Variants in MKLN1 observed in about 807,000 individuals in gnomAD.
The protein encoded by MKLN1 is muskelin 1, also known as muskelin.
A neutral mutation model predicts 99.0 loss-of-function variants in MKLN1; 18 were observed. The observed-to-expected ratio is 0.18, with a 90% CI of 0.13 to 0.27. The LOEUF is 0.27. MKLN1 is among the 10% of genes least tolerant of loss of function. The pLI, the probability that MKLN1 is intolerant of heterozygous loss-of-function variation, is 1.00. For synonymous variants in MKLN1, 288 were observed against 293.2 expected (o/e 0.98, Z 0.18); for missense variants, 621 against 875.9 (o/e 0.71, Z 3.67).
intron 2 of MKLN1, among the ~76,000 whole-genome samples, chr7:131,171,999 C>A (rs939286164): frequency 9.2e-5 from 14 of 152,074 alleles, no homozygotes; most frequent in African/African-American, 3.1e-4. Context: ...TAGATTGGGG[C>A]CAGGTGGAGA....
intron 17 of MKLN1, among the ~76,000 whole-genome samples, chr7:131,481,407 A>C (rs556628223): frequency 6.6e-6 from 1 of 152,270 alleles, no homozygotes; most frequent in South Asian, 2.1e-4. Flanking sequence ...CTGCCTTAAA[A>C]ATTTAATCTT....
At chr7:131,318,767 C>A (rs1036762617) in intron 3 of MKLN1, among the ~76,000 whole-genome samples, 16 of 151,684 alleles carry the variant, frequency 1.1e-4, no homozygotes, top group African/African-American at 3.9e-4. Context: ...GGGGATATCA[C>A]CACTGATCCC....
At chr7:131,227,493 TTCTC>T (rs776087279) in intron 3 of MKLN1, among the ~76,000 whole-genome samples, 1 of 74,830 alleles carries the variant, frequency 1.3e-5, no homozygotes, top group East Asian at 3.9e-4. Flanking sequence ...CTCTCTTTCT[TTCTC>T]TTTCTTTCTT....
chr7:131,208,263 TTGTA>T (rs1349909904), intron 3 of MKLN1, among the ~76,000 whole-genome samples: 1 of 152,186 alleles, frequency 6.6e-6, no homozygotes, highest in Non-Finnish European at 1.5e-5. Context: ...GCACAACACA[TTGTA>T]TGTTCTTTCA....
chr7:131,150,099 G>A (rs1316644044), intron 2 of MKLN1, among the ~76,000 whole-genome samples: 5 of 152,046 alleles, frequency 3.3e-5, no homozygotes, highest in African/African-American at 1.2e-4. Flanking sequence ...CAACTAGATA[G>A]ATGTCTATCA....
upstream of MKLN1, chr7:131,324,367 C>T (rs1798842758): frequency 6.6e-6 from 1 of 152,188 alleles, no homozygotes. Flanking sequence ...GAGAGAAACA[C>T]CACCAGCTGG....
intron 6 of MKLN1, among the ~76,000 whole-genome samples, chr7:131,406,956 G>T (rs999676908): frequency 6.6e-6 from 1 of 152,006 alleles, no homozygotes; most frequent in Non-Finnish European, 1.5e-5. Context: ...CGAAACTCCA[G>T]TGTGGCAGCC....
In MKLN1 at chr7:131,494,319, C is replaced by T. The variant is rs1446899270; in HGVS notation, c.*6591C>T. ...TGTAGAATAAATCCCAATCCCATTG[C>T]AACTGGCAGAGCTTTATAAATCTTT... On this transcript the variant is annotated 3_prime_UTR_variant, in exon 18 of 18. Coordinates refer to ENST00000352689, the MANE Select transcript of MKLN1 (RefSeq NM_013255.5). 1.3e-5 allele frequency: 2 copies of T among 152,122 alleles called. No homozygotes were observed. Among genetic ancestry groups the T allele is most frequent in the African/African-American group, 2.4e-5 (1 of 41,444 alleles). 9.4% of individuals were successfully genotyped at this position (152,122 alleles called of 1,614,324 possible).
At chr7:131,408,750 C>G (rs1201581263) in intron 6 of MKLN1, among the ~76,000 whole-genome samples, 4 of 152,098 alleles carry the variant, frequency 2.6e-5, no homozygotes, top group Non-Finnish European at 4.4e-5. Flanking sequence ...TGTGAGCCAC[C>G]AGGCTGGGCC....
chr7:131,154,874 A>G (rs1232054190), intron 2 of MKLN1, among the ~76,000 whole-genome samples: 2 of 152,168 alleles, frequency 1.3e-5, no homozygotes, highest in Non-Finnish European at 2.9e-5. Flanking sequence ...GAACATGTTT[A>G]AACTCTTGAT....
At chr7:131,133,145 G>C (rs1202169286) in intron 1 of MKLN1, among the ~76,000 whole-genome samples, 2 of 151,386 alleles carry the variant, frequency 1.3e-5, no homozygotes, top group African/African-American at 4.8e-5. Flanking sequence ...GCTCACTAGA[G>C]ATTTTGAGCA....
chr7:131,298,369 A>G (rs1036683762), intron 3 of MKLN1, among the ~76,000 whole-genome samples: 1 of 152,284 alleles, frequency 6.6e-6, no homozygotes, highest in African/African-American at 2.4e-5. Flanking sequence ...CAAATGCATC[A>G]TATTTGTGCC....
chr7:131,221,314 C>T (rs961412459), intron 3 of MKLN1, among the ~76,000 whole-genome samples: 2 of 152,054 alleles, frequency 1.3e-5, no homozygotes, highest in Non-Finnish European at 2.9e-5. Context: ...TGCACATGGC[C>T]AAGAAGCAGA....
At chr7:131,436,542 G>A (rs79653346) in intron 9 of MKLN1, among the ~76,000 whole-genome samples, 96 of 152,274 alleles carry the variant, frequency 6.3e-4, no homozygotes, top group African/African-American at 2.1e-3. Context: ...ACACAAGGGC[G>A]TAGATTTGCT....
chr7:131,258,468 C>T (rs942324595), intron 3 of MKLN1, among the ~76,000 whole-genome samples: 4 of 151,302 alleles, frequency 2.6e-5, no homozygotes, highest in African/African-American at 9.7e-5. Context: ...AATAAGAACG[C>T]TTTACAGTTC....
At chr7:131,143,978 A>G (rs1795779095) in intron 2 of MKLN1, among the ~76,000 whole-genome samples, 1 of 152,184 alleles carries the variant, frequency 6.6e-6, no homozygotes, top group Non-Finnish European at 1.5e-5. Context: ...CGTCAACCCC[A>G]CTGCATCCCC....
chr7:131,337,090 T>G (rs1799270323), intron 1 of MKLN1, among the ~76,000 whole-genome samples: 1 of 152,230 alleles, frequency 6.6e-6, no homozygotes, highest in African/African-American at 2.4e-5. Flanking sequence ...GCCGTCAGAC[T>G]TACTGTTGCT....
At chr7:131,406,722 A>G (rs1323873466) in intron 6 of MKLN1, among the ~76,000 whole-genome samples, 3 of 151,934 alleles carry the variant, frequency 2.0e-5, no homozygotes, top group Non-Finnish European at 2.9e-5. Context: ...TGTCTCCTTT[A>G]TAGGAGGGTA....
chr7:131,478,933 C>T lies in MKLN1; in HGVS notation c.2086+256C>T, dbSNP rs551695500. The T allele has an allele frequency of 1.5e-5, 8 of 519,906 alleles. 1 individual carries two copies. The highest frequency in any genetic ancestry group is 2.4e-5 in the Non-Finnish European group (7 of 294,100). 32.2% of individuals were successfully genotyped at this position (519,906 alleles called of 1,614,324 possible). A position where few individuals can be genotyped will look rare whatever the true frequency, so the allele number is the denominator to read the frequency against. ...AAACAGATAGCAATAGAAACACAGTCAAAATAAATTAATTTGTATAGCACT... is the reference window on the plus strand; with the variant it reads ...AAACAGATAGCAATAGAAACACAGTTAAAATAAATTAATTTGTATAGCACT... On this transcript the variant is annotated intron_variant, in intron 17 of 17. Transcript: ENST00000352689.
Sources: allele counts gnomAD v4.1 joint callset (sites outside exome capture counted in the v4.1 genomes callset), GRCh38; gene constraint gnomAD v4.1.1; transcripts MANE v1.5; gene names NCBI Gene and HGNC (gene_info 2026-07-23, HGNC 2026-07-21).